The following TCF12 variants were observed in gnomAD, a reference collection of about 807,000 sequenced individuals.
TCF12 encodes DNA-binding protein HTF4.
In TCF12, 45 loss-of-function variants were observed where a neutral mutation model predicts 86.0. The observed-to-expected ratio is 0.52, with a 90% CI of 0.41 to 0.67. The LOEUF is 0.67. Ranked by LOEUF, TCF12 falls within the 30% of genes least tolerant of loss-of-function variation. TCF12 has a pLI of 0.00. For synonymous variants in TCF12, 330 were observed against 299.6 expected, an observed-to-expected ratio of 1.10 and a Z score of -1.05; for missense variants, 881 against 859.9, an observed-to-expected ratio of 1.02 and a Z score of -0.31.
At chr15:56,968,283 G>A (rs1297017333) in intron 3 of TCF12, among the ~76,000 whole-genome samples, 1 of 151,702 alleles carries the variant, frequency 6.6e-6, no homozygotes, top group East Asian at 1.9e-4. Flanking sequence ...TTTTTGTTTT[G>A]TGGCTTGTGT....
intron 3 of TCF12, among the ~76,000 whole-genome samples, chr15:56,994,469 G>A (rs1324714866): frequency 1.3e-5 from 2 of 152,040 alleles, no homozygotes; most frequent in African/African-American, 4.8e-5. Context: ...CAAACATACA[G>A]ATTCAGAGAA....
intron 3 of TCF12, among the ~76,000 whole-genome samples, chr15:57,031,085 GAAT>G (rs2066150132): frequency 6.6e-6 from 1 of 152,186 alleles, no homozygotes; most frequent in Non-Finnish European, 1.5e-5. Flanking sequence ...TCTAAATTAA[GAAT>G]AATGTTTGTA....
At chr15:57,137,858 C>G (rs2052667702) in intron 5 of TCF12, among the ~76,000 whole-genome samples, 1 of 151,992 alleles carries the variant, frequency 6.6e-6, no homozygotes, top group Non-Finnish European at 1.5e-5. Context: ...GAAACCCTGT[C>G]TCTACTAAAA....
intron 13 of TCF12, among the ~76,000 whole-genome samples, chr15:57,246,021 G>GA (rs3840022): frequency 0.28 from 42,217 of 149,790 alleles, 7,380 homozygotes; most frequent in African/African-American, 0.49. Context: ...CTGTCAAAGG[G>GA]AAAAAAAAAG....
chr15:57,174,324 C>T (rs1450934909), intron 6 of TCF12, among the ~76,000 whole-genome samples: 2 of 152,158 alleles, frequency 1.3e-5, no homozygotes, highest in Non-Finnish European at 2.9e-5. Context: ...ACAATGTGAT[C>T]ATTTCCATAG....
At chr15:57,266,084 T>C (rs1267721898) in intron 18 of TCF12, among the ~76,000 whole-genome samples, 1 of 133,300 alleles carries the variant, frequency 7.5e-6, no homozygotes, top group Non-Finnish European at 1.6e-5. Context: ...GTTTTTGTTT[T>C]TATTATTTAT....
chr15:57,101,853 C>T (rs2151176085), intron 5 of TCF12, among the ~76,000 whole-genome samples: 1 of 152,258 alleles, frequency 6.6e-6, no homozygotes. Context: ...CACTTCACAG[C>T]AAATTAAATC....
At chr15:57,091,946 AT>A in intron 5 of TCF12, 55 bp downstream of exon 5, 1 of 1,459,198 alleles carries the variant, frequency 6.9e-7, no homozygotes. Flanking sequence ...GGTCAGAGAC[AT>A]TTTTTATCCC....
intron 3 of TCF12, among the ~76,000 whole-genome samples, chr15:56,937,345 A>G (rs2060513150): frequency 6.6e-6 from 1 of 151,136 alleles, no homozygotes. Context: ...TGCTGAATTC[A>G]TGTATGAGTT....
intron 3 of TCF12, among the ~76,000 whole-genome samples, chr15:56,958,200 C>T (rs141894033): frequency 2.0e-5 from 3 of 152,300 alleles, no homozygotes; most frequent in Admixed American, 6.5e-5. Flanking sequence ...TCCGTAGTCA[C>T]GTTCTGATCT....
At chr15:57,062,895 C>T (rs1371704952) in intron 3 of TCF12, among the ~76,000 whole-genome samples, 3 of 152,142 alleles carry the variant, frequency 2.0e-5, no homozygotes, top group Non-Finnish European at 2.9e-5. Flanking sequence ...GTGTACCCTC[C>T]TTGCAGTCAA....
intron 3 of TCF12, among the ~76,000 whole-genome samples, chr15:57,007,890 CTTCCTTCCTTCCTTCCTTCCTTCCTCTT>C (rs1387609082): frequency 1.7e-5 from 2 of 118,474 alleles, no homozygotes; most frequent in Admixed American, 2.3e-4. Flanking sequence ...TCCTTCCTTC[CTTCCTTCCTTCCTTCCTTCCTTCCTCTT>C]TCTTTGTTTC....
intron 18 of TCF12, among the ~76,000 whole-genome samples, chr15:57,272,632 C>G (rs2061194928): frequency 6.6e-6 from 1 of 152,220 alleles, no homozygotes; most frequent in Non-Finnish European, 1.5e-5. Context: ...AAGATGGGAG[C>G]AGAACCTGAG....
intron 14 of TCF12, among the ~76,000 whole-genome samples, chr15:57,252,013 C>G (rs1351171373): frequency 1.3e-5 from 2 of 152,174 alleles, no homozygotes; most frequent in Non-Finnish European, 2.9e-5. Flanking sequence ...AGAATGTTGA[C>G]TACTGTTGCT....
At chr15:57,267,891 T>G (rs2152077804) in intron 18 of TCF12, among the ~76,000 whole-genome samples, 1 of 152,306 alleles carries the variant, frequency 6.6e-6, no homozygotes, top group East Asian at 1.9e-4. Context: ...AAAGGAGACT[T>G]TCTGTTACAG....
chr15:57,230,834 C>T (rs1391232159), intron 8 of TCF12, among the ~76,000 whole-genome samples: 2 of 151,914 alleles, frequency 1.3e-5, no homozygotes, highest in Middle Eastern at 3.4e-3. Context: ...GAATCCTGAG[C>T]CTATGTGAGG....
intron 17 of TCF12, among the ~76,000 whole-genome samples, chr15:57,262,551 A>G (rs1250706038): frequency 2.6e-5 from 4 of 152,156 alleles, no homozygotes; most frequent in African/African-American, 9.7e-5. Context: ...TTCTGATTAT[A>G]CTGAGAGCTC....
chr15:56,926,625 CAGAG>C (rs1333652090), intron 3 of TCF12, among the ~76,000 whole-genome samples: 1 of 152,080 alleles, frequency 6.6e-6, no homozygotes, highest in Admixed American at 6.6e-5. Flanking sequence ...CTGTACAGTT[CAGAG>C]AGAGAGAAGC....
chr15:57,017,387 A>C (rs2065214419), intron 3 of TCF12, among the ~76,000 whole-genome samples: 1 of 152,246 alleles, frequency 6.6e-6, no homozygotes, highest in Non-Finnish European at 1.5e-5. Context: ...CTTGTAAATG[A>C]AGATTTGTTG....
Sources: allele counts gnomAD v4.1 joint callset (sites outside exome capture counted in the v4.1 genomes callset), GRCh38; gene constraint gnomAD v4.1.1; transcripts MANE v1.5; gene names NCBI Gene and HGNC (gene_info 2026-07-23, HGNC 2026-07-21).